RBPMS: variants seen among roughly 807,000 people sequenced by gnomAD.
RBPMS encodes RNA binding protein, mRNA processing factor.
RBPMS carries 7 observed loss-of-function variants against 26.8 expected under a neutral mutation model. The observed-to-expected ratio is 0.26, with a 90% CI of 0.15 to 0.49. RBPMS has a LOEUF of 0.49. RBPMS is among the 20% of genes least tolerant of loss of function. The pLI is 0.98. For missense variants in RBPMS, 186 were observed against 250.0 expected (o/e 0.74, Z 1.73); for synonymous variants, 96 against 93.3 (o/e 1.03, Z -0.17).
chr8:30,421,371 A>G (rs1028804164), intron 1 of RBPMS, among the ~76,000 whole-genome samples: 1 of 152,182 alleles, frequency 6.6e-6, no homozygotes, highest in East Asian at 1.9e-4. Context: ...AATGTGCAGC[A>G]ATCATTTAAA....
intron 1 of RBPMS, among the ~76,000 whole-genome samples, chr8:30,423,897 G>A (rs1487818405): frequency 6.6e-6 from 1 of 151,894 alleles, no homozygotes; most frequent in Admixed American, 6.6e-5. Context: ...GAGTGCCATG[G>A]CACGATCTTG....
intron 1 of RBPMS, among the ~76,000 whole-genome samples, chr8:30,464,270 T>A (rs1456001324): frequency 6.6e-6 from 1 of 152,230 alleles, no homozygotes; most frequent in Non-Finnish European, 1.5e-5. Context: ...AGTTGATAGA[T>A]ACTGATCACC....
At chr8:30,430,974 G>A (rs1811862086) in intron 1 of RBPMS, among the ~76,000 whole-genome samples, 3 of 152,196 alleles carry the variant, frequency 2.0e-5, no homozygotes, top group Admixed American at 2.0e-4. Context: ...TTAAAATGCA[G>A]TAGCATAAGT....
chr8:30,558,464 G>T (rs1206928995), intron 6 of RBPMS: 3 of 287,600 alleles, frequency 1.0e-5, no homozygotes, highest in Non-Finnish European at 2.0e-5. Flanking sequence ...TGTGGATGGG[G>T]TCGTGAACTG....
At chr8:30,496,116 A>G (rs1338515083) in intron 4 of RBPMS, among the ~76,000 whole-genome samples, 1 of 151,312 alleles carries the variant, frequency 6.6e-6, no homozygotes, top group Non-Finnish European at 1.5e-5. Flanking sequence ...CTCCTGCCTA[A>G]TGAATGCCTG....
chr8:30,470,866 A>G (rs546539220), intron 1 of RBPMS, among the ~76,000 whole-genome samples: 4 of 152,270 alleles, frequency 2.6e-5, no homozygotes, highest in South Asian at 2.1e-4. Flanking sequence ...TTCCCCATGT[A>G]TGACAATTTT....
At chr8:30,436,398 G>A (rs1812451041) in intron 1 of RBPMS, among the ~76,000 whole-genome samples, 1 of 152,092 alleles carries the variant, frequency 6.6e-6, no homozygotes, top group Admixed American at 6.6e-5. Flanking sequence ...ATATTTGAAA[G>A]CTGCTGTCTA....
chr8:30,564,937 G>A (rs1827780439), intron 7 of RBPMS: 1 of 152,110 alleles, frequency 6.6e-6, no homozygotes, highest in Non-Finnish European at 1.5e-5. Flanking sequence ...CAGGATCCCA[G>A]TACTTGTATG....
At chr8:30,551,671 G>C (rs771048544) in intron 6 of RBPMS, among the ~76,000 whole-genome samples, 3 of 152,172 alleles carry the variant, frequency 2.0e-5, no homozygotes, top group Non-Finnish European at 4.4e-5. Flanking sequence ...TGCCGTCTGC[G>C]CTCGGCTCTT....
At chr8:30,561,340 C>T (rs1458520944) in intron 7 of RBPMS, among the ~76,000 whole-genome samples, 1 of 152,154 alleles carries the variant, frequency 6.6e-6, no homozygotes, top group Non-Finnish European at 1.5e-5. Flanking sequence ...AGGAACCTCC[C>T]CGTTACCATG....
At chr8:30,389,513 G>A (rs905231112) in intron 1 of RBPMS, among the ~76,000 whole-genome samples, 3 of 152,220 alleles carry the variant, frequency 2.0e-5, no homozygotes, top group African/African-American at 4.8e-5. Context: ...CAGTGGTGAT[G>A]TAAATTAGTG....
chr8:30,525,910 A>AGT (rs1823530806), intron 5 of RBPMS, among the ~76,000 whole-genome samples: 2 of 152,258 alleles, frequency 1.3e-5, no homozygotes, highest in Admixed American at 1.3e-4. Context: ...ATAGTTATAC[A>AGT]GTGTGTGAAA....
intron 5 of RBPMS, among the ~76,000 whole-genome samples, chr8:30,538,906 C>T (rs1825094705): frequency 6.6e-6 from 1 of 152,178 alleles, no homozygotes; most frequent in East Asian, 1.9e-4. Flanking sequence ...TTCACCCTAT[C>T]ACAGGAGCTA....
intron 4 of RBPMS, among the ~76,000 whole-genome samples, chr8:30,489,140 GGCCTTGAGTGCT>G: frequency 6.6e-6 from 1 of 151,022 alleles, no homozygotes; most frequent in Non-Finnish European, 1.5e-5. Flanking sequence ...TCGACATCCT[GGCCTTGAGTGCT>G]CCTCCCACCT....
intron 1 of RBPMS, among the ~76,000 whole-genome samples, chr8:30,431,056 G>A (rs538166967): frequency 6.6e-6 from 1 of 152,314 alleles, no homozygotes; most frequent in East Asian, 1.9e-4. Context: ...TCAATCACTT[G>A]CATTTCCTTG....
rs1165957779 is a variant in RBPMS at position 30,519,479 on chromosome 8, T to C, written c.397+15043T>C. The stretch of plus-strand genomic sequence containing the variant: ...CTCTCTTTTTTTTTTTTTTTTTTTT[T>C]TTTTTTTTTTTTTTTTTTTTTGGAG... On this transcript the variant is annotated intron_variant, in intron 5 of 8. Transcript: ENST00000397323. Among the ~76,000 whole-genome samples the C allele has an allele frequency of 2.8e-3, 81 of 28,898 alleles. 2 individuals carry two copies. Among genetic ancestry groups the C allele is most frequent in the African/African-American group, 8.5e-3 (69 of 8,128 alleles). 19.0% of individuals were successfully genotyped at this position (28,898 alleles called of 152,430 possible). A position where few individuals can be genotyped will look rare whatever the true frequency, so the allele number is the denominator to read the frequency against.
At chr8:30,413,355 G>A (rs1244940682) in intron 1 of RBPMS, among the ~76,000 whole-genome samples, 1 of 152,172 alleles carries the variant, frequency 6.6e-6, no homozygotes, top group Non-Finnish European at 1.5e-5. Flanking sequence ...ACATGCATGA[G>A]CCACCATGCC....
intron 1 of RBPMS, chr8:30,442,900 G>A (rs1046225316): frequency 3.3e-5 from 5 of 152,188 alleles, no homozygotes; most frequent in Non-Finnish European, 7.3e-5. Flanking sequence ...GCTTCCGGGG[G>A]AAGGCTATAG....
chr8:30,427,524 A>G (rs1290587919), intron 1 of RBPMS, among the ~76,000 whole-genome samples: 2 of 152,204 alleles, frequency 1.3e-5, no homozygotes, highest in Non-Finnish European at 2.9e-5. Flanking sequence ...TTCAGTACCC[A>G]GATCAAATGG....
Sources: gnomAD v4.1 joint callset for allele counts (sites outside exome capture counted in the v4.1 genomes callset) on GRCh38, gnomAD v4.1.1 for gene constraint, MANE v1.5 for transcripts, NCBI Gene and HGNC (gene_info 2026-07-23, HGNC 2026-07-21) for gene names.